CCDC148: variants seen among roughly 807,000 people sequenced by gnomAD.
The protein encoded by CCDC148 is coiled-coil domain containing 148.
In CCDC148, 89 loss-of-function variants were observed where a neutral mutation model predicts 85.7. The observed-to-expected ratio is 1.04, with a 90% confidence interval of 0.87 to 1.24. CCDC148 has a LOEUF of 1.24. Ranked by LOEUF, CCDC148 falls within the 50% of genes most tolerant of loss-of-function variation. The pLI, the probability that CCDC148 is intolerant of heterozygous loss-of-function variation, is 0.00. For missense variants in CCDC148, 692 were observed against 671.7 expected, an observed-to-expected ratio of 1.03 and a Z score of -0.33; for synonymous variants, 230 against 213.9, an observed-to-expected ratio of 1.08 and a Z score of -0.66.
At chr2:158,429,681 T>G (rs1477556845) in intron 1 of CCDC148, among the ~76,000 whole-genome samples, 3 of 152,208 alleles carry the variant, frequency 2.0e-5, no homozygotes, top group Non-Finnish European at 4.4e-5. Context: ...AAACCAGACA[T>G]CTGCTTCTGG....
At chr2:158,208,184 T>C (rs1214742369) in intron 11 of CCDC148, among the ~76,000 whole-genome samples, 1 of 152,208 alleles carries the variant, frequency 6.6e-6, no homozygotes, top group African/African-American at 2.4e-5. Context: ...AATGAGACTT[T>C]AAGTTTATTC....
At chr2:158,231,311 G>A (rs974182483) in intron 10 of CCDC148, among the ~76,000 whole-genome samples, 24 of 152,100 alleles carry the variant, frequency 1.6e-4, no homozygotes, top group African/African-American at 4.8e-4. Flanking sequence ...TTATCTTTAA[G>A]ATGAGAACAA....
chr2:158,311,832 A>T (rs535001499), intron 8 of CCDC148, among the ~76,000 whole-genome samples: 2 of 152,212 alleles, frequency 1.3e-5, no homozygotes, highest in South Asian at 4.1e-4. Flanking sequence ...TGCTATGCTC[A>T]TGAGGGACAT....
At chr2:158,307,034 T>C (rs750041382) in intron 9 of CCDC148, among the ~76,000 whole-genome samples, 6 of 138,210 alleles carry the variant, frequency 4.3e-5, no homozygotes, top group Non-Finnish European at 7.9e-5. Context: ...AAAAAAAAAA[T>C]AGTTATTTTA....
At chr2:158,404,630 A>T (rs1250755744) in intron 1 of CCDC148, among the ~76,000 whole-genome samples, 2 of 152,192 alleles carry the variant, frequency 1.3e-5, no homozygotes, top group Non-Finnish European at 2.9e-5. Flanking sequence ...TGAGATCTGT[A>T]TATACTTTCC....
chr2:158,426,878 A>G (rs192346934), intron 1 of CCDC148, among the ~76,000 whole-genome samples: 2 of 152,284 alleles, frequency 1.3e-5, no homozygotes, highest in East Asian at 3.9e-4. Flanking sequence ...AATGTTGGCT[A>G]TTGCAAAGGA....
Position 158,339,074 on chromosome 2 carries a change from C to T in CCDC148, c.498G>A (p.Val166=), listed in dbSNP as rs1682539750. 6.2e-7 allele frequency: 1 copy of T among 1,612,980 alleles called. No homozygotes were observed. Among genetic ancestry groups the T allele is most frequent in the Non-Finnish European group, 8.5e-7 (1 of 1,179,284 alleles). ...SMKVLEEVDF[V]KKQLKTVFER... is the part of the protein sequence containing the mutation. ...CAAAGACAGTTTTCAATTGTTTCTT[C>T]ACAAAGTCAACCTATAGGACATTTG... is the stretch of plus-strand genomic sequence containing the variant. Residue 166 remains valine, a synonymous_variant, in exon 6 of 14, where the codon GTG becomes GTA. Coordinates refer to ENST00000283233, the MANE Select transcript of CCDC148 (RefSeq NM_138803.4).
At chr2:158,357,458 AAAAT>A (rs1398669070) in intron 2 of CCDC148, among the ~76,000 whole-genome samples, 5 of 152,162 alleles carry the variant, frequency 3.3e-5, no homozygotes, top group African/African-American at 4.8e-5. Flanking sequence ...TATCATGAGA[AAAAT>A]AAAATATGTA....
At chr2:158,438,752 C>A (rs1447438938) in intron 1 of CCDC148, among the ~76,000 whole-genome samples, 2 of 152,146 alleles carry the variant, frequency 1.3e-5, no homozygotes, top group African/African-American at 4.8e-5. Context: ...TATCCAGAAT[C>A]TACAATGAAC....
chr2:158,186,472 C>T (rs1685161140), intron 11 of CCDC148, among the ~76,000 whole-genome samples: 1 of 152,078 alleles, frequency 6.6e-6, no homozygotes, highest in Admixed American at 6.6e-5. Flanking sequence ...CACTGTCACC[C>T]ATTTAACCTT....
chr2:158,277,563 C>T (rs925131296), intron 9 of CCDC148, among the ~76,000 whole-genome samples: 6 of 152,138 alleles, frequency 3.9e-5, no homozygotes, highest in African/African-American at 1.2e-4. Context: ...TGGCCCCTTT[C>T]AATACTCACA....
Position 158,358,521 on chromosome 2 carries a change from T to C in CCDC148, c.75A>G (p.Lys25=). 6.2e-7 allele frequency: 1 copy of C among 1,605,418 alleles called. No homozygotes were observed. The highest frequency in any genetic ancestry group is 8.5e-7 in the Non-Finnish European group (1 of 1,176,896). ...CACGCAATTGTTGATAGTCTACTGG[T>C]TTGTACTTGATGTTTCTCATCTCAT... ...MKNEMRNIKY[K]PVDYQQLRAL... is the part of the protein sequence containing the mutation. The change falls in exon 2 of 14, where the codon AAA becomes AAG. Residue 25 remains lysine, a synonymous_variant. Transcript: ENST00000283233.
intron 1 of CCDC148, among the ~76,000 whole-genome samples, chr2:158,381,953 C>A (rs895207422): frequency 1.3e-5 from 2 of 152,050 alleles, no homozygotes; most frequent in African/African-American, 2.4e-5. Context: ...AAACTGAATC[C>A]CCAACGTGTC....
chr2:158,236,289 CAAGA>C (rs1344790122), intron 10 of CCDC148: 2 of 152,174 alleles, frequency 1.3e-5, no homozygotes, highest in African/African-American at 4.8e-5. Flanking sequence ...CATGATGAGC[CAAGA>C]AAGTATTCTT....
intron 9 of CCDC148, among the ~76,000 whole-genome samples, chr2:158,255,835 G>T (rs1376489482): frequency 6.6e-6 from 1 of 151,634 alleles, no homozygotes; most frequent in African/African-American, 2.4e-5. Flanking sequence ...TAACTACAGG[G>T]CATTTTTCCA....
At chr2:158,280,331 C>A (rs984497679) in intron 9 of CCDC148, among the ~76,000 whole-genome samples, 4 of 152,214 alleles carry the variant, frequency 2.6e-5, no homozygotes, top group South Asian at 2.1e-4. Context: ...CACAGACTGG[C>A]AAATTGGATA....
At chr2:158,312,340 T>C (rs894793973) in intron 8 of CCDC148, among the ~76,000 whole-genome samples, 1 of 152,078 alleles carries the variant, frequency 6.6e-6, no homozygotes, top group African/African-American at 2.4e-5. Context: ...AGTAAATGTA[T>C]TGGGAGGCCG....
At position 158,309,496 on chromosome 2, in the gene CCDC148, C is replaced by A. The variant is rs769350007; in HGVS notation, c.1047G>T (p.Met349Ile). 1.9e-6 allele frequency: 3 copies of A among 1,614,150 alleles called. No individual in the cohort carries two copies. The East Asian group carries it at 6.7e-5, about 36-fold the overall frequency. Residue 349 changes from methionine (M) to isoleucine (I), a missense_variant, in exon 9 of 14, where the codon ATG (methionine) becomes ATT (isoleucine). Transcript: ENST00000283233. ...TLTEACATHE[M>I]ESMLAKDKKK... ...TCTTGTCCTTAGCCAACATGCTCTC[C>A]ATTTCATGTGTTGCACAAGCCTCAG...
At chr2:158,422,748 A>G (rs1686863185) in intron 1 of CCDC148, among the ~76,000 whole-genome samples, 1 of 152,128 alleles carries the variant, frequency 6.6e-6, no homozygotes, top group African/African-American at 2.4e-5. Context: ...ATCAGGCAGG[A>G]GAAAGAAATA....
Sources: allele counts gnomAD v4.1 joint callset (sites outside exome capture counted in the v4.1 genomes callset), GRCh38; gene constraint gnomAD v4.1.1; transcripts MANE v1.5; gene names NCBI Gene and HGNC (gene_info 2026-07-23, HGNC 2026-07-21).